Variants in PCDH9 observed in about 807,000 individuals in gnomAD.
PCDH9 encodes protocadherin 9.
PCDH9 carries 24 observed loss-of-function variants against 70.6 expected under a neutral mutation model. That is an observed-to-expected ratio of 0.34 (90% confidence interval 0.25 to 0.48). The LOEUF (loss-of-function observed/expected upper bound fraction) is 0.48, where lower values mean the gene tolerates loss of function less well. Among genes scored for constraint, PCDH9 ranks in the 20% least tolerant of loss-of-function variants. The pLI, the probability that PCDH9 is intolerant of heterozygous loss-of-function variation, is 0.99. For missense variants in PCDH9, 1,281 were observed against 1,503.6 expected (o/e 0.85, Z 2.45); for synonymous variants, 562 against 558.5 (o/e 1.01, Z -0.09).
chr13:66,571,881 C>A (rs979310000), intron 4 of PCDH9, among the ~76,000 whole-genome samples: 16 of 151,880 alleles, frequency 1.1e-4, no homozygotes, highest in African/African-American at 2.9e-4. Flanking sequence ...TCGTGTATGA[C>A]TAAACTAATA....
chr13:67,179,103 G>A (rs1257775477), intron 2 of PCDH9, among the ~76,000 whole-genome samples: 1 of 152,002 alleles, frequency 6.6e-6, no homozygotes, highest in African/African-American at 2.4e-5. Flanking sequence ...TGAAGAGTGT[G>A]GCTACATAGT....
chr13:66,933,971 C>G (rs943170249), intron 2 of PCDH9, among the ~76,000 whole-genome samples: 2 of 150,260 alleles, frequency 1.3e-5, no homozygotes, highest in African/African-American at 4.9e-5. Context: ...ATCTACTTAA[C>G]GTGTAATCAT....
intron 4 of PCDH9, among the ~76,000 whole-genome samples, chr13:66,621,678 A>G (rs1306943223): frequency 1.3e-5 from 2 of 152,228 alleles, no homozygotes; most frequent in Non-Finnish European, 1.5e-5. Context: ...ATTTTTATTA[A>G]TCTAGTACCA....
chr13:66,864,253 G>A (rs1283158963), intron 3 of PCDH9, among the ~76,000 whole-genome samples: 1 of 152,078 alleles, frequency 6.6e-6, no homozygotes, highest in African/African-American at 2.4e-5. Context: ...AAAACATTCT[G>A]CATGGCATGT....
At chr13:67,074,049 T>TATC (rs1376892622) in intron 2 of PCDH9, among the ~76,000 whole-genome samples, 1 of 148,920 alleles carries the variant, frequency 6.7e-6, no homozygotes, top group Non-Finnish European at 1.5e-5. Flanking sequence ...TCTATCTATC[T>TATC]ATCTATCTAT....
intron 4 of PCDH9, among the ~76,000 whole-genome samples, chr13:66,527,789 G>A (rs1960279220): frequency 2.0e-5 from 3 of 152,100 alleles, no homozygotes; most frequent in African/African-American, 7.2e-5. Context: ...AGGCCAAGGC[G>A]GGCAGATCAC....
chr13:66,916,824 T>C (rs2082565545), intron 2 of PCDH9, among the ~76,000 whole-genome samples: 1 of 151,514 alleles, frequency 6.6e-6, no homozygotes, highest in Non-Finnish European at 1.5e-5. Flanking sequence ...GAAATTTGCT[T>C]ATCGTCTTAT....
intron 2 of PCDH9, among the ~76,000 whole-genome samples, chr13:66,985,930 A>G (rs1006273401): frequency 1.3e-5 from 2 of 152,056 alleles, no homozygotes; most frequent in South Asian, 2.1e-4. Context: ...CCATTCTCTT[A>G]GCCATGAATA....
intron 3 of PCDH9, among the ~76,000 whole-genome samples, chr13:66,751,022 T>C (rs1025717029): frequency 2.6e-5 from 4 of 152,152 alleles, no homozygotes; most frequent in South Asian, 4.1e-4. Flanking sequence ...CACTAACTTA[T>C]AACAAATAGC....
At chr13:66,586,358 A>G (rs2076962941) in intron 4 of PCDH9, among the ~76,000 whole-genome samples, 2 of 152,196 alleles carry the variant, frequency 1.3e-5, no homozygotes, top group Admixed American at 6.5e-5. Flanking sequence ...AATTGATTCT[A>G]ATTTTCAATC....
At chr13:66,580,959 C>T (rs886232349) in intron 4 of PCDH9, among the ~76,000 whole-genome samples, 16 of 152,208 alleles carry the variant, frequency 1.1e-4, no homozygotes, top group Admixed American at 8.5e-4. Flanking sequence ...TTTCTAGCCA[C>T]GGTGGTGGTC....
At chr13:67,177,082 C>G (rs938146604) in intron 2 of PCDH9, among the ~76,000 whole-genome samples, 2 of 152,018 alleles carry the variant, frequency 1.3e-5, no homozygotes, top group Non-Finnish European at 2.9e-5. Flanking sequence ...CTGGGTCCAG[C>G]CCATGGCAAG....
At chr13:67,166,940 A>G (rs948365170) in intron 2 of PCDH9, among the ~76,000 whole-genome samples, 1 of 152,194 alleles carries the variant, frequency 6.6e-6, no homozygotes, top group African/African-American at 2.4e-5. Context: ...TTTAGAATGA[A>G]CACTAAAAAG....
At chr13:66,637,177 A>G (rs1312664656) in intron 3 of PCDH9, among the ~76,000 whole-genome samples, 1 of 152,188 alleles carries the variant, frequency 6.6e-6, no homozygotes, top group Non-Finnish European at 1.5e-5. Context: ...AATAAAATCC[A>G]AAACTCATTG....
intron 3 of PCDH9, among the ~76,000 whole-genome samples, chr13:66,682,664 G>T (rs181619744): frequency 1.2e-3 from 190 of 152,156 alleles, no homozygotes; most frequent in African/African-American, 4.4e-3. Context: ...TAGTCAGAGT[G>T]TATTGTAATT....
chr13:66,541,615 CTTCTCTCCGT>C (rs1381281772), intron 4 of PCDH9, among the ~76,000 whole-genome samples: 1 of 152,144 alleles, frequency 6.6e-6, no homozygotes, highest in Non-Finnish European at 1.5e-5. Flanking sequence ...ACATAGTGTA[CTTCTCTCCGT>C]TTCTCTCTCC....
intron 3 of PCDH9, among the ~76,000 whole-genome samples, chr13:66,750,221 C>T (rs1375410594): frequency 6.6e-6 from 1 of 151,946 alleles, no homozygotes; most frequent in Non-Finnish European, 1.5e-5. Flanking sequence ...GACAAATATT[C>T]GCTAATAGAA....
intron 3 of PCDH9, among the ~76,000 whole-genome samples, chr13:66,701,506 G>A (rs2078648139): frequency 6.6e-6 from 1 of 152,026 alleles, no homozygotes; most frequent in African/African-American, 2.4e-5. Flanking sequence ...CAATACTTGA[G>A]ATTAATTCAG....
intron 3 of PCDH9, among the ~76,000 whole-genome samples, chr13:66,761,156 T>C (rs578054124): frequency 2.4e-4 from 31 of 130,492 alleles, no homozygotes; most frequent in Admixed American, 2.1e-3. Flanking sequence ...TCCCTCCCCT[T>C]TGAATATCGC....
Sources: gnomAD v4.1 joint callset for allele counts (sites outside exome capture counted in the v4.1 genomes callset) on GRCh38, gnomAD v4.1.1 for gene constraint, MANE v1.5 for transcripts, NCBI Gene and HGNC (gene_info 2026-07-23, HGNC 2026-07-21) for gene names.